The following EXOSC10 variants were observed in gnomAD, a reference collection of about 807,000 sequenced individuals.
EXOSC10 encodes the protein exosome component 10.
EXOSC10 carries 94 observed loss-of-function variants against 126.6 expected under a neutral mutation model. The ratio of observed to expected loss-of-function variants is 0.74; its 90% CI spans 0.63 to 0.88. The LOEUF (loss-of-function observed/expected upper bound fraction) is 0.88, where lower values mean the gene tolerates loss of function less well. EXOSC10 is among the 40% of genes least tolerant of loss of function. The pLI is 0.00. For missense variants in EXOSC10, 1,041 were observed against 1,100.5 expected (o/e 0.95, Z 0.77); for synonymous variants, 395 against 400.8 (o/e 0.99, Z 0.17).
intron 16 of EXOSC10, 136 bp downstream of exon 16, chr1:11,077,229 G>C (rs1046964332): frequency 3.8e-5 from 33 of 867,560 alleles, no homozygotes; most frequent in Non-Finnish European, 5.2e-5. Flanking sequence ...GACCTCAGGT[G>C]ATCTACCCGC....
intron 10 of EXOSC10, among the ~76,000 whole-genome samples, chr1:11,081,919 C>T (rs572267351): frequency 6.6e-6 from 1 of 151,970 alleles, no homozygotes; most frequent in Non-Finnish European, 1.5e-5. Flanking sequence ...CTCGTCTCTA[C>T]TGGAAATACA....
intron 1 of EXOSC10, 179 bp downstream of exon 1, chr1:11,099,542 C>G: frequency 1.7e-6 from 1 of 583,526 alleles, no homozygotes; most frequent in South Asian, 2.8e-5. Flanking sequence ...CCCTCAGTGT[C>G]CGTTTCCGAG....
intron 9 of EXOSC10, among the ~76,000 whole-genome samples, chr1:11,084,669 T>C (rs1640390022): frequency 6.6e-6 from 1 of 152,366 alleles, no homozygotes; most frequent in African/African-American, 2.4e-5. Context: ...TTGCCATTGC[T>C]TTTGGTGTCT....
At chr1:11,085,935 G>T (rs1222002725) in intron 9 of EXOSC10, among the ~76,000 whole-genome samples, 1 of 152,078 alleles carries the variant, frequency 6.6e-6, no homozygotes, top group Non-Finnish European at 1.5e-5. Context: ...ATTGATTTGC[G>T]TATGTTGAAC....
chr1:11,091,507 T>G lies in EXOSC10; in HGVS notation c.463A>C (p.Ser155Arg). 14 of 1,614,068 alleles carry G rather than the reference T, an allele frequency of 8.7e-6. No homozygotes were observed. The highest frequency in any genetic ancestry group is 1.1e-5 in the Non-Finnish European group (13 of 1,179,958). ...AAAGCCCTCACCTTACGGTTCCAGC[T>G]GGACACTACCGTTTTGGGGACCTGC... ...GLQVPKTVVS[S>R]WNRKAAEYGK... The change falls in exon 4 of 25, where the codon AGC becomes CGC. Residue 155 changes from serine to arginine, a missense_variant. This residue lies in a region of EXOSC10 where 645 missense variants were observed against 656.3 expected (regional missense o/e 0.98). Transcript: ENST00000376936.
intron 20 of EXOSC10, chr1:11,071,586 T>C: frequency 6.8e-6 from 1 of 147,224 alleles, no homozygotes; most frequent in East Asian, 2.2e-4. Context: ...GCAGCCAGAG[T>C]GCCACATGTC....
At chr1:11,082,597 T>C in intron 10 of EXOSC10, 91 bp downstream of exon 10, 6 of 1,567,026 alleles carry the variant, frequency 3.8e-6, no homozygotes, top group Non-Finnish European at 5.2e-6. Flanking sequence ...ATGAGCGTGG[T>C]AGGGCTCAAA....
intron 9 of EXOSC10, among the ~76,000 whole-genome samples, chr1:11,085,789 C>T (rs1353019948): frequency 2.7e-5 from 4 of 150,164 alleles, no homozygotes; most frequent in Admixed American, 6.6e-5. Context: ...TTTTGAGATA[C>T]GTCCCATCAA....
At position 11,069,597 on chromosome 1, in the gene EXOSC10, G is replaced by A. The variant is rs1639336793; in HGVS notation, c.2450C>T (p.Pro817Leu). The change falls in exon 22 of 25, where the codon CCT becomes CTT. Residue 817 changes from proline (P) to leucine (L), a missense_variant. Around this residue, in one of 3 missense-constraint regions of EXOSC10, gnomAD observed 388 missense variants for 415.2 expected, o/e 0.93. Transcript: ENST00000376936. ...GAAGTCTGACTGGCTGTAGTCGTAAGGCGTAAACTCTTTTTCTGGTGGCTC... is the reference window on the plus strand; with the variant it reads ...GAAGTCTGACTGGCTGTAGTCGTAAAGCGTAAACTCTTTTTCTGGTGGCTC... ...DPEPPEKEFT[P>L]YDYSQSDFKA... The A allele has an allele frequency of 1.2e-6, 2 of 1,614,082 alleles. No individual in the cohort carries two copies. Among genetic ancestry groups the A allele is most frequent in the Non-Finnish European group, 1.7e-6 (2 of 1,180,036 alleles).
chr1:11,086,479 A>G (rs1640500077), intron 9 of EXOSC10, among the ~76,000 whole-genome samples: 1 of 151,622 alleles, frequency 6.6e-6, no homozygotes, highest in Non-Finnish European at 1.5e-5. Context: ...CCCCTTTATC[A>G]TTTTTTATTG....
intron 9 of EXOSC10, among the ~76,000 whole-genome samples, chr1:11,084,779 A>T (rs1024839568): frequency 2.6e-5 from 4 of 152,160 alleles, no homozygotes; most frequent in African/African-American, 9.7e-5. Context: ...TTAAGTCTTT[A>T]ATCCATCTTG....
rs113560818 is a variant in EXOSC10, at chr1:11,087,532, C to T, written c.1005G>A (p.Thr335=). 1.9e-5 allele frequency: 30 copies of T among 1,613,912 alleles called. No homozygotes were observed. Among genetic ancestry groups the T allele is most frequent in the East Asian group, 1.3e-4 (6 of 44,900 alleles). The stretch of plus-strand genomic sequence containing the variant: ...CGAGGGTGTCAATGATGAAGTCTTC[C>T]GTCCGAGTAGAAATTTGCATCAGGC... ...LTCLMQISTR[T]EDFIIDTLEL... The change falls in exon 9 of 25, where the codon ACG becomes ACA. Residue 335 remains threonine, a synonymous_variant. Transcript: ENST00000376936.
At chr1:11,079,627 G>A (rs1235875238) in intron 14 of EXOSC10, 84 bp downstream of exon 14, 1 of 1,165,190 alleles carries the variant, frequency 8.6e-7, no homozygotes, top group African/African-American at 1.5e-5. Flanking sequence ...CTCCTGACCT[G>A]AAATGATCCA....
In EXOSC10 at chr1:11,073,831, T is replaced by G. The variant is rs1410176157; in HGVS notation, c.2157+103A>C. The G allele has an allele frequency of 7.0e-6, 6 of 852,414 alleles. No individual in the cohort carries two copies. The Admixed American group carries it at 1.6e-4, about 22-fold the overall frequency. 52.8% of individuals were successfully genotyped at this position (852,414 alleles called of 1,614,324 possible). On this transcript the variant is annotated intron_variant, in intron 19 of 24. Coordinates refer to ENST00000376936, the MANE Select transcript of EXOSC10 (RefSeq NM_001001998.3). ...AGGTGGAGGTTGCAGTGAGTCAAGA[T>G]TGTGCCTCTGCACTCCAGCCTGGGT...
intron 9 of EXOSC10, among the ~76,000 whole-genome samples, chr1:11,083,666 G>A (rs1187894660): frequency 6.7e-6 from 1 of 149,448 alleles, no homozygotes; most frequent in East Asian, 2.0e-4. Flanking sequence ...TAGGGTACAT[G>A]TGCACAATGT....
intron 7 of EXOSC10, 61 bp from the exon 8 acceptor site, chr1:11,087,971 C>T: frequency 1.6e-6 from 2 of 1,281,826 alleles, no homozygotes; most frequent in Admixed American, 3.8e-5. Flanking sequence ...CAGTAAAGTA[C>T]AAAGTGAACT....
intron 14 of EXOSC10, among the ~76,000 whole-genome samples, chr1:11,078,331 C>T (rs992040391): frequency 6.6e-6 from 1 of 150,746 alleles, no homozygotes; most frequent in South Asian, 2.1e-4. Flanking sequence ...GATCTCGGCT[C>T]ACTGCAAGCT....
At chr1:11,091,775 C>T (rs1386547481) in intron 3 of EXOSC10, among the ~76,000 whole-genome samples, 178 bp from the exon 4 acceptor site, 4 of 152,204 alleles carry the variant, frequency 2.6e-5, no homozygotes, top group Non-Finnish European at 4.4e-5. Flanking sequence ...ACTGCAACCT[C>T]TGCCTCCAGG....
rs12133922 is a variant in EXOSC10 at position 11,099,766 on chromosome 1, T to C, written c.66A>G (p.Gly22=). The stretch of plus-strand genomic sequence containing the variant: ...CCGGGAAGCCTGGCAGCACCATCTC[T>C]CCGTCGGATTTGGTTGCGCTGGTCG... ...LSATSATKSD[G]EMVLPGFPDA... Residue 22 remains glycine (G), a synonymous_variant, in exon 1 of 25, where the codon GGA becomes GGG. Transcript: ENST00000376936. The C allele has an allele frequency of 0.039, 63,134 of 1,611,642 alleles. 2,362 individuals carry two copies. Among genetic ancestry groups the C allele is most frequent in the East Asian group, 0.13 (5,951 of 44,394 alleles).
Sources: gnomAD v4.1 joint callset for allele counts (sites outside exome capture counted in the v4.1 genomes callset) on GRCh38, gnomAD v4.1.1 for gene constraint, gnomAD v4.1.1 regional missense constraint, MANE v1.5 for transcripts, NCBI Gene and HGNC (gene_info 2026-07-23, HGNC 2026-07-21) for gene names.